The following MGAT4C variants were observed in gnomAD, a reference collection of about 807,000 sequenced individuals.
MGAT4C encodes MGAT4 family member C.
In MGAT4C, 19 loss-of-function variants were observed where a neutral mutation model predicts 40.1. The ratio of observed to expected loss-of-function variants is 0.47; its 90% CI spans 0.33 to 0.70. The LOEUF is 0.70. MGAT4C is among the 30% of genes least tolerant of loss of function. The probability of loss-of-function intolerance (pLI) is 0.02; values close to 1 mark genes in which losing one functional copy is unlikely to be tolerated. For missense variants in MGAT4C, 491 were observed against 563.2 expected, an observed-to-expected ratio of 0.87 and a Z score of 1.30; for synonymous variants, 181 against 187.1, an observed-to-expected ratio of 0.97 and a Z score of 0.27.
In MGAT4C at chr12:86,236,602, T is replaced by C. The variant is rs1322398600; in HGVS notation, c.-57+19637A>G. Among the ~76,000 whole-genome samples the C allele has an allele frequency of 5.3e-5, 8 of 152,114 alleles. No individual in the cohort carries two copies. In the East Asian group the frequency reaches 1.4e-3, roughly 26 times the overall value. On this transcript the variant is annotated intron_variant, in intron 1 of 4. Coordinates refer to ENST00000611864, the MANE Select transcript of MGAT4C (RefSeq NM_001351288.2). ...AAGTTGCCACTATTTAGGGTCTGAA[T>C]CCAATGCCAACACATAGAATGCTTC...
rs148208164 is a variant in MGAT4C at position 86,237,047 on chromosome 12, A to G, written c.-57+19192T>C. Among the ~76,000 whole-genome samples, 891 of 151,170 alleles carry G rather than the reference A, an allele frequency of 5.9e-3. 5 individuals carry two copies. The highest frequency in any genetic ancestry group is 0.01 in the Middle Eastern group (3 of 288). ...ATGTGTATTCCATCTCTAATTACAT[A>G]TATTTAGTGAGGAAAGGTGGGGGAG... On this transcript the variant is annotated intron_variant, in intron 1 of 4. Coordinates refer to ENST00000611864, the MANE Select transcript of MGAT4C (RefSeq NM_001351288.2).
intron 2 of MGAT4C, among the ~76,000 whole-genome samples, chr12:86,042,726 G>A (rs1565900087): frequency 6.6e-6 from 1 of 151,866 alleles, no homozygotes; most frequent in Non-Finnish European, 1.5e-5. Context: ...AAATTAGCTG[G>A]GCGTGGTGGC....
At chr12:86,562,160 C>T (rs1959896298) in intron 2 of MGAT4C, among the ~76,000 whole-genome samples, 1 of 152,140 alleles carries the variant, frequency 6.6e-6, no homozygotes, top group South Asian at 2.1e-4. Flanking sequence ...TTCTAACTCT[C>T]AGCTTCAGAA....
chr12:86,284,617 T>A (rs1953303223), intron 4 of MGAT4C, among the ~76,000 whole-genome samples: 1 of 151,972 alleles, frequency 6.6e-6, no homozygotes, highest in Non-Finnish European at 1.5e-5. Context: ...TTCTAATAAT[T>A]GAAAAGAAAC....
chr12:86,572,874 T>C (rs191229031), intron 2 of MGAT4C, among the ~76,000 whole-genome samples: 115 of 152,112 alleles, frequency 7.6e-4, no homozygotes, highest in Non-Finnish European at 1.4e-3. Flanking sequence ...TTTTCTTCCC[T>C]TCCTTCCCCT....
intron 2 of MGAT4C, among the ~76,000 whole-genome samples, chr12:86,643,931 G>T (rs1963463825): frequency 6.6e-6 from 1 of 151,486 alleles, no homozygotes; most frequent in African/African-American, 2.4e-5. Context: ...TTGTTGTTTT[G>T]TGAATTAATC....
At chr12:86,647,386 T>C (rs1460670447) in intron 2 of MGAT4C, among the ~76,000 whole-genome samples, 2 of 151,908 alleles carry the variant, frequency 1.3e-5, no homozygotes. Flanking sequence ...TTAGAAAATA[T>C]TTTGCTTCAC....
At position 86,012,893 on chromosome 12, in the gene MGAT4C, T is replaced by C. The variant is rs1888646166; in HGVS notation, c.-6-23341A>G. ...AATCCCAGCACTTTGGGAGGCTGAG[T>C]TGGGAGGATTGCTTCAGGACAGGTG... is the stretch of plus-strand genomic sequence containing the variant. On this transcript the variant is annotated intron_variant, in intron 2 of 4. Transcript: ENST00000611864. Among the ~76,000 whole-genome samples the C allele has an allele frequency of 2.0e-5, 3 of 148,976 alleles. No homozygotes were observed. The South Asian group carries it at 6.4e-4, about 32-fold the overall frequency.
chr12:86,138,261 C>G (rs1227617306), intron 1 of MGAT4C, among the ~76,000 whole-genome samples: 1 of 151,636 alleles, frequency 6.6e-6, no homozygotes, highest in Non-Finnish European at 1.5e-5. Flanking sequence ...GCACTCTATA[C>G]CCCCTCCTTA....
intron 2 of MGAT4C, among the ~76,000 whole-genome samples, chr12:86,637,633 T>A (rs1176484291): frequency 6.6e-6 from 1 of 151,982 alleles, no homozygotes; most frequent in African/African-American, 2.4e-5. Context: ...ATGCTAGGTA[T>A]AACTTGTTAA....
chr12:86,236,347 G>A (rs780666074), intron 1 of MGAT4C, among the ~76,000 whole-genome samples: 2 of 151,948 alleles, frequency 1.3e-5, no homozygotes, highest in African/African-American at 2.4e-5. Flanking sequence ...TAGCAGCTCC[G>A]CAAAAGATAT....
intron 1 of MGAT4C, among the ~76,000 whole-genome samples, chr12:86,164,236 T>G (rs1429788998): frequency 6.6e-6 from 1 of 152,188 alleles, no homozygotes; most frequent in Middle Eastern, 3.2e-3. Context: ...GGCTGAAAGA[T>G]CTGAAGTTTA....
At position 86,429,789 on chromosome 12, in the gene MGAT4C, A is replaced by T. The variant is rs569706959; in HGVS notation, c.-120+5368T>A. ...GGGTTGAATTTGATTGAAGACCTTCATGCTTTCTGTATCTGGTTATTGGCA... is the reference window on the plus strand; with the variant it reads ...GGGTTGAATTTGATTGAAGACCTTCTTGCTTTCTGTATCTGGTTATTGGCA... On this transcript the variant is annotated intron_variant, in intron 3 of 7. Transcript: ENST00000548651. Among the ~76,000 whole-genome samples, 5 of 152,252 alleles carry T rather than the reference A, an allele frequency of 3.3e-5. No individual in the cohort carries two copies. In the South Asian group the frequency reaches 1.0e-3, roughly 32 times the overall value.
chr12:86,367,803 A>C lies in MGAT4C; in HGVS notation c.-119-33676T>G, dbSNP rs182648765. On this transcript the variant is annotated intron_variant, in intron 3 of 7. Transcript: ENST00000548651. ...CGACAGAGCGAGACTCCGTCTCAAA[A>C]AAACAAACAAACAAACAAACAAACA... 8.1e-4 allele frequency among the ~76,000 whole-genome samples: 123 copies of C among 151,830 alleles called. 1 individual carries two copies. Among genetic ancestry groups the C allele is most frequent in the Admixed American group, 1.1e-3 (17 of 15,232 alleles).
chr12:86,285,946 T>C (rs961540257), intron 4 of MGAT4C, among the ~76,000 whole-genome samples: 12 of 152,072 alleles, frequency 7.9e-5, no homozygotes, highest in Admixed American at 7.9e-4. Context: ...TCACATTGAT[T>C]ATAAGACATA....
At chr12:86,821,809 C>T (rs1273180961) in intron 1 of MGAT4C, among the ~76,000 whole-genome samples, 2 of 150,860 alleles carry the variant, frequency 1.3e-5, no homozygotes, top group Non-Finnish European at 3.0e-5. Context: ...AAAACCCTGA[C>T]AAAGGTTTAA....
In MGAT4C at chr12:86,672,252, A is replaced by G. The variant is rs553387187; in HGVS notation, c.-229+54957T>C. Reference sequence around the variant, plus strand: ...TTGAAACAAATGATAATGGAAACACACATACCAAAATCAATAGGATACAGA... The same window carrying G: ...TTGAAACAAATGATAATGGAAACACGCATACCAAAATCAATAGGATACAGA... On this transcript the variant is annotated intron_variant, in intron 2 of 7. Transcript: ENST00000548651. Among the ~76,000 whole-genome samples the G allele has an allele frequency of 2.0e-5, 3 of 152,126 alleles. No homozygotes were observed. The South Asian group carries it at 6.2e-4, about 31-fold the overall frequency.
At chr12:86,611,309 C>T (rs570827911) in intron 2 of MGAT4C, among the ~76,000 whole-genome samples, 6 of 151,982 alleles carry the variant, frequency 3.9e-5, no homozygotes, top group Non-Finnish European at 5.9e-5. Context: ...ACAGCAGATA[C>T]GCAAAGACGT....
chr12:86,480,726 C>T (rs1229917598), intron 2 of MGAT4C, among the ~76,000 whole-genome samples: 2 of 151,660 alleles, frequency 1.3e-5, no homozygotes, highest in Non-Finnish European at 3.0e-5. Flanking sequence ...TATAAAAACA[C>T]ATATTGCTGT....
Sources: gnomAD v4.1 joint callset for allele counts (sites outside exome capture counted in the v4.1 genomes callset) on GRCh38, gnomAD v4.1.1 for gene constraint, MANE v1.5 for transcripts, NCBI Gene and HGNC (gene_info 2026-07-23, HGNC 2026-07-21) for gene names.